Variants in CDKAL1 observed in about 807,000 individuals in gnomAD.
CDKAL1 encodes threonylcarbamoyladenosine tRNA methylthiotransferase.
CDKAL1 carries 32 observed loss-of-function variants against 68.2 expected under a neutral mutation model. The ratio of observed to expected loss-of-function variants is 0.47; its 90% CI spans 0.35 to 0.63. The LOEUF (loss-of-function observed/expected upper bound fraction) is 0.63. Among genes scored for constraint, CDKAL1 ranks in the 30% least tolerant of loss-of-function variants. CDKAL1 has a pLI of 0.00. For synonymous variants in CDKAL1, 234 were observed against 244.3 expected, an observed-to-expected ratio of 0.96 and a Z score of 0.39; for missense variants, 606 against 696.7, an observed-to-expected ratio of 0.87 and a Z score of 1.47.
At chr6:20,958,386 A>G (rs1764892639) in intron 10 of CDKAL1, among the ~76,000 whole-genome samples, 2 of 152,208 alleles carry the variant, frequency 1.3e-5, no homozygotes, top group Admixed American at 6.5e-5. Flanking sequence ...AACACATCGT[A>G]TGTAACAGAA....
intron 4 of CDKAL1, among the ~76,000 whole-genome samples, chr6:20,604,564 T>C (rs1766253194): frequency 1.3e-5 from 2 of 152,220 alleles, no homozygotes; most frequent in Non-Finnish European, 1.5e-5. Context: ...GCATTCTGCA[T>C]TGTATTGCTT....
At chr6:20,648,279 G>A (rs1768579008) in intron 4 of CDKAL1, among the ~76,000 whole-genome samples, 1 of 151,314 alleles carries the variant, frequency 6.6e-6, no homozygotes, top group Non-Finnish European at 1.5e-5. Flanking sequence ...AGGCATGCCC[G>A]CCACCACACC....
chr6:20,637,473 G>C (rs1767960446), intron 4 of CDKAL1, among the ~76,000 whole-genome samples: 1 of 152,086 alleles, frequency 6.6e-6, no homozygotes, highest in Non-Finnish European at 1.5e-5. Flanking sequence ...TGAGGCAGGA[G>C]AATCGCTTGA....
chr6:20,988,742 C>T (rs969427276), intron 10 of CDKAL1, among the ~76,000 whole-genome samples: 4 of 151,842 alleles, frequency 2.6e-5, no homozygotes, highest in Admixed American at 6.6e-5. Context: ...CTCCGCCTCC[C>T]GGGTTCAAGC....
chr6:21,184,942 C>T (rs1777948862), intron 13 of CDKAL1, among the ~76,000 whole-genome samples: 2 of 148,876 alleles, frequency 1.3e-5, no homozygotes, highest in African/African-American at 5.0e-5. Flanking sequence ...GCTAGGATTA[C>T]AGGGTGAGCC....
chr6:21,174,825 A>C (rs992946048), intron 13 of CDKAL1, among the ~76,000 whole-genome samples: 1 of 152,118 alleles, frequency 6.6e-6, no homozygotes, highest in African/African-American at 2.4e-5. Context: ...CCCCGTATCC[A>C]AAGAGATATG....
chr6:21,082,600 G>A (rs912557040), intron 12 of CDKAL1, among the ~76,000 whole-genome samples: 8 of 152,122 alleles, frequency 5.3e-5, no homozygotes, highest in African/African-American at 1.9e-4. Context: ...ACAAGTGTCA[G>A]TTTTTAAAGT....
intron 10 of CDKAL1, among the ~76,000 whole-genome samples, chr6:20,992,794 C>T (rs1418606457): frequency 1.3e-5 from 2 of 151,272 alleles, no homozygotes; most frequent in African/African-American, 2.4e-5. Flanking sequence ...CCCATCTACT[C>T]GAGAGGCTGA....
At chr6:20,837,142 T>C (rs1453743071) in intron 8 of CDKAL1, among the ~76,000 whole-genome samples, 2 of 152,216 alleles carry the variant, frequency 1.3e-5, no homozygotes, top group Admixed American at 1.3e-4. Context: ...CACTACTTTT[T>C]CATTTCACTT....
chr6:21,139,595 C>T (rs1053558837), intron 13 of CDKAL1, among the ~76,000 whole-genome samples: 6 of 152,068 alleles, frequency 3.9e-5, no homozygotes, highest in Admixed American at 6.6e-5. Context: ...AGTGCAGCCT[C>T]AACCTCCCAG....
At chr6:21,066,408 A>G (rs551583217) in intron 12 of CDKAL1, among the ~76,000 whole-genome samples, 29 of 152,330 alleles carry the variant, frequency 1.9e-4, no homozygotes, top group African/African-American at 6.7e-4. Context: ...CCACAAACAT[A>G]AAAAGATGCC....
At chr6:21,160,882 T>C (rs2151063504) in intron 13 of CDKAL1, among the ~76,000 whole-genome samples, 1 of 151,706 alleles carries the variant, frequency 6.6e-6, no homozygotes, top group African/African-American at 2.4e-5. Context: ...CACTCTCCGA[T>C]GGGCTCTGGT....
At chr6:20,953,067 C>G (rs143978082) in intron 9 of CDKAL1, among the ~76,000 whole-genome samples, 1 of 152,200 alleles carries the variant, frequency 6.6e-6, no homozygotes, top group Non-Finnish European at 1.5e-5. Flanking sequence ...CATGCTCTTT[C>G]GTTCCATTGT....
At chr6:21,124,934 C>A (rs1024816599) in intron 13 of CDKAL1, among the ~76,000 whole-genome samples, 9 of 152,012 alleles carry the variant, frequency 5.9e-5, no homozygotes, top group African/African-American at 2.2e-4. Context: ...TGGCTAGTAG[C>A]TCCTTACCTT....
At chr6:20,602,476 G>T (rs1390420184) in intron 4 of CDKAL1, among the ~76,000 whole-genome samples, 1 of 152,108 alleles carries the variant, frequency 6.6e-6, no homozygotes, top group Non-Finnish European at 1.5e-5. Context: ...AGCCCTTAGG[G>T]AGGAATGGGG....
chr6:20,548,755 CT>C (rs1248839707), intron 4 of CDKAL1, 50 bp downstream of exon 4: 8 of 843,522 alleles, frequency 9.5e-6, no homozygotes, highest in Non-Finnish European at 1.5e-5. Context: ...CAGAATTAAG[CT>C]TTTAGAGATA....
intron 11 of CDKAL1, among the ~76,000 whole-genome samples, chr6:21,007,798 T>C (rs1008148403): frequency 2.0e-5 from 3 of 152,214 alleles, no homozygotes; most frequent in Non-Finnish European, 4.4e-5. Context: ...TGTTAAGTAA[T>C]TTGCCCAAAG....
At chr6:20,912,776 A>G (rs1290910199) in intron 9 of CDKAL1, among the ~76,000 whole-genome samples, 2 of 152,186 alleles carry the variant, frequency 1.3e-5, no homozygotes, top group Non-Finnish European at 2.9e-5. Context: ...TCTGGTGGGT[A>G]TAAGATTGAA....
chr6:20,653,520 C>T lies in CDKAL1; in HGVS notation c.371+4143C>T, dbSNP rs185283371. On this transcript the variant is annotated intron_variant, in intron 5 of 15. Coordinates refer to ENST00000274695, the MANE Select transcript of CDKAL1 (RefSeq NM_017774.3). Reference sequence around the variant, plus strand: ...AGGCTGAAGTGCAGTGGCAGGATCTCGGCTCACTGCAACCTCTGCCTCTCG... The same window carrying T: ...AGGCTGAAGTGCAGTGGCAGGATCTTGGCTCACTGCAACCTCTGCCTCTCG... Among the ~76,000 whole-genome samples the T allele has an allele frequency of 8.8e-3, 1,346 of 152,138 alleles. 15 individuals are homozygous for T. The highest frequency in any genetic ancestry group is 9.4e-3 in the Non-Finnish European group (641 of 67,992).
Sources: gnomAD v4.1 joint callset for allele counts (sites outside exome capture counted in the v4.1 genomes callset) on GRCh38, gnomAD v4.1.1 for gene constraint, MANE v1.5 for transcripts, NCBI Gene and HGNC (gene_info 2026-07-23, HGNC 2026-07-21) for gene names.